The following LOXL2 variants were observed in gnomAD, a reference collection of about 807,000 sequenced individuals.
LOXL2 encodes lysyl oxidase like 2, also known as lysyl oxidase homolog 2.
In LOXL2, 70 loss-of-function variants were observed where a neutral mutation model predicts 93.0. The ratio of observed to expected loss-of-function variants is 0.75; its 90% confidence interval spans 0.62 to 0.92. The LOEUF (loss-of-function observed/expected upper bound fraction) is 0.92, where lower values mean the gene tolerates loss of function less well. Ranked by LOEUF, LOXL2 falls within the 40% of genes least tolerant of loss-of-function variation. LOXL2 has a pLI of 0.00. For synonymous variants in LOXL2, 438 were observed against 413.2 expected (o/e 1.06, Z -0.73); for missense variants, 973 against 1,054.9 (o/e 0.92, Z 1.08).
At chr8:23,315,559 G>A (rs1007473592) in intron 9 of LOXL2, among the ~76,000 whole-genome samples, 13 of 152,146 alleles carry the variant, frequency 8.5e-5, no homozygotes, top group African/African-American at 3.1e-4. Flanking sequence ...AGTCCTCAGA[G>A]AGAAATTCCC....
At position 23,309,791 on chromosome 8, in the gene LOXL2, T is replaced by A. The variant is rs1306951198; in HGVS notation, c.1757A>T (p.Gln586Leu). ...GCGGTAGCCCGTGGTGGGGTCGGTC[T>A]GCGCGGCTGAGGCCGAGAGGCAGTT... ...EENCLSASAA[Q>L]TDPTTGYRRL... Residue 586 changes from glutamine (Q) to leucine (L), a missense_variant, in exon 10 of 14, where the codon CAG (glutamine) becomes CTG (leucine). Physicochemically the swap from Gln to Leu is moderately radical, Grantham distance 113. Coordinates refer to ENST00000389131, the MANE Select transcript of LOXL2 (RefSeq NM_002318.3). 1 of 1,603,558 alleles carries A rather than the reference T, an allele frequency of 6.2e-7. No homozygotes were observed. The highest frequency in any genetic ancestry group is 2.3e-5 in the East Asian group (1 of 44,098).
intron 2 of LOXL2, among the ~76,000 whole-genome samples, chr8:23,362,018 C>G (rs1170354404): frequency 1.3e-5 from 2 of 152,114 alleles, no homozygotes; most frequent in Non-Finnish European, 2.9e-5. Context: ...TATGATCCAG[C>G]AAAAGAATTG....
Position 23,309,845 on chromosome 8 carries a change from A to G in LOXL2, c.1703T>C (p.Met568Thr). The G allele has an allele frequency of 1.3e-6, 2 of 1,591,278 alleles. No individual in the cohort carries two copies. The highest frequency in any genetic ancestry group is 1.7e-6 in the Non-Finnish European group (2 of 1,167,854). ...QQTTYLEDRP[M>T]FMLQCAMEEN... ...CTCCATGGCACACTGCAGCATGAACATGGGCCGGTCCTCCAGGTAGGTGGT... is the reference window on the plus strand; with the variant it reads ...CTCCATGGCACACTGCAGCATGAACGTGGGCCGGTCCTCCAGGTAGGTGGT... Residue 568 changes from methionine to threonine, a missense_variant, in exon 10 of 14, where the codon ATG becomes ACG. Coordinates refer to ENST00000389131, the MANE Select transcript of LOXL2 (RefSeq NM_002318.3).
At chr8:23,377,680 T>C (rs2117222654) in intron 1 of LOXL2, among the ~76,000 whole-genome samples, 1 of 152,336 alleles carries the variant, frequency 6.6e-6, no homozygotes, top group South Asian at 2.1e-4. Context: ...ATTGATCCCT[T>C]TACCATTATG....
intron 1 of LOXL2, among the ~76,000 whole-genome samples, chr8:23,379,349 G>C (rs961655495): frequency 2.6e-5 from 4 of 152,188 alleles, no homozygotes; most frequent in African/African-American, 4.8e-5. Context: ...TGCCCCTACT[G>C]GGGGGTGCCT....
chr8:23,369,074 G>T (rs1180864432), intron 1 of LOXL2, among the ~76,000 whole-genome samples: 4 of 152,214 alleles, frequency 2.6e-5, no homozygotes, highest in Non-Finnish European at 5.9e-5. Context: ...GAACATGGGG[G>T]CCGGTGGAGA....
chr8:23,332,218 ACACACCCCCTACACACT>A (rs1803695053), intron 5 of LOXL2, among the ~76,000 whole-genome samples: 2 of 84,022 alleles, frequency 2.4e-5, no homozygotes, highest in African/African-American at 9.6e-5. Flanking sequence ...CACCCACCCC[ACACACCCCCTACACACT>A]CACACCCCCA....
chr8:23,398,133 G>A (rs1408344097), intron 1 of LOXL2, among the ~76,000 whole-genome samples: 2 of 152,160 alleles, frequency 1.3e-5, no homozygotes, highest in African/African-American at 4.8e-5. Flanking sequence ...ATCAGGACAA[G>A]CCTGGGGGCA....
intron 12 of LOXL2, 91 bp downstream of exon 12, chr8:23,301,936 G>A: frequency 6.7e-7 from 1 of 1,500,382 alleles, no homozygotes; most frequent in Admixed American, 1.8e-5. Context: ...TGACTTCCAT[G>A]CCCCTGTGTG....
intron 3 of LOXL2, 158 bp from the exon 4 acceptor site, chr8:23,341,361 C>T: frequency 1.5e-6 from 1 of 647,626 alleles, no homozygotes; most frequent in Non-Finnish European, 2.8e-6. Flanking sequence ...CCCCGAGGGG[C>T]ACACGGCCCA....
In LOXL2 at chr8:23,297,265, C is replaced by T. The variant is rs1803046231; in HGVS notation, c.*778G>A. On this transcript the variant is annotated 3_prime_UTR_variant, in exon 14 of 14. Transcript: ENST00000389131. ...TGGTGCTCAGTGAGCGCCCTGTCACCCAGGACCCTGGTTATAGCACCGTTG... is the reference window on the plus strand; with the variant it reads ...TGGTGCTCAGTGAGCGCCCTGTCACTCAGGACCCTGGTTATAGCACCGTTG... The T allele has an allele frequency of 6.6e-6, 1 of 152,132 alleles. No individual in the cohort carries two copies. The highest frequency in any genetic ancestry group is 1.5e-5 in the Non-Finnish European group (1 of 68,032). The allele number at this position is 152,132 out of a possible 1,614,324, so 9.4% of individuals were successfully genotyped here. A position where few individuals can be genotyped will look rare whatever the true frequency, so the allele number is the denominator to read the frequency against.
At chr8:23,309,490 G>A (rs1803287405) in intron 10 of LOXL2, among the ~76,000 whole-genome samples, 178 bp downstream of exon 10, 1 of 152,232 alleles carries the variant, frequency 6.6e-6, no homozygotes, top group Non-Finnish European at 1.5e-5. Context: ...AGTGGAGAAT[G>A]GCTTCGGGAA....
intron 1 of LOXL2, among the ~76,000 whole-genome samples, chr8:23,387,176 A>G (rs1199038026): frequency 2.0e-5 from 3 of 152,222 alleles, no homozygotes; most frequent in African/African-American, 4.8e-5. Context: ...TTATCCCCCA[A>G]TATGGTCTCA....
chr8:23,321,001 CAGA>C (rs1396404498), intron 7 of LOXL2, among the ~76,000 whole-genome samples: 5 of 152,224 alleles, frequency 3.3e-5, no homozygotes, highest in Non-Finnish European at 7.3e-5. Flanking sequence ...AAGCCAGAAA[CAGA>C]GGAGCAATTC....
chr8:23,378,951 G>A (rs1044100644), intron 1 of LOXL2, among the ~76,000 whole-genome samples: 4 of 152,182 alleles, frequency 2.6e-5, no homozygotes, highest in African/African-American at 9.6e-5. Flanking sequence ...GTCATTCTCT[G>A]TCCAGCTTTG....
intron 13 of LOXL2, 126 bp downstream of exon 13, chr8:23,298,710 A>T: frequency 1.6e-6 from 1 of 635,448 alleles, no homozygotes; most frequent in Non-Finnish European, 2.9e-6. Context: ...TCTGTCCTGA[A>T]TGTGGAAATG....
intron 2 of LOXL2, among the ~76,000 whole-genome samples, chr8:23,360,920 T>C (rs145926495): frequency 0.013 from 1,994 of 152,018 alleles, 34 homozygotes; most frequent in African/African-American, 0.045. Context: ...GTTTTTTTTT[T>C]AGACAGAGTC....
chr8:23,308,727 G>A (rs1188291853), intron 10 of LOXL2, among the ~76,000 whole-genome samples: 1 of 152,168 alleles, frequency 6.6e-6, no homozygotes. Flanking sequence ...TCTGGCTGTA[G>A]GATTTCACCC....
At chr8:23,380,063 A>G (rs112652159) in intron 1 of LOXL2, among the ~76,000 whole-genome samples, 7,046 of 152,176 alleles carry the variant, frequency 0.046, 516 homozygotes, top group African/African-American at 0.16. Flanking sequence ...AGCTGTTCCT[A>G]TTTGGCCATC....
Sources: allele counts gnomAD v4.1 joint callset (sites outside exome capture counted in the v4.1 genomes callset), GRCh38; gene constraint gnomAD v4.1.1; transcripts MANE v1.5; gene names NCBI Gene and HGNC (gene_info 2026-07-23, HGNC 2026-07-21).